Variants in SLC5A8 observed in about 807,000 individuals in gnomAD.
SLC5A8 encodes sodium-coupled monocarboxylate transporter 1.
SLC5A8 carries 55 observed loss-of-function variants against 71.9 expected under a neutral mutation model. The observed-to-expected ratio is 0.77, with a 90% CI of 0.62 to 0.96. The LOEUF (loss-of-function observed/expected upper bound fraction) is 0.96, where lower values mean the gene tolerates loss of function less well. Ranked by LOEUF, SLC5A8 falls within the 40% of genes least tolerant of loss-of-function variation. The pLI is 0.00. For missense variants in SLC5A8, 701 were observed against 745.3 expected (o/e 0.94, Z 0.69); for synonymous variants, 307 against 276.1 (o/e 1.11, Z -1.11).
Position 101,209,951 on chromosome 12 carries a change from T to C in SLC5A8, c.-103A>G, listed in dbSNP as rs1331250630. 11 of 1,133,742 alleles carry C rather than the reference T, an allele frequency of 9.7e-6. No individual in the cohort carries two copies. Among genetic ancestry groups the C allele is most frequent in the African/African-American group, 1.6e-5 (1 of 61,750 alleles). 70.2% of individuals were successfully genotyped at this position (1,133,742 alleles called of 1,614,324 possible). A position where few individuals can be genotyped will look rare whatever the true frequency, so the allele number is the denominator to read the frequency against. On this transcript the variant is annotated 5_prime_UTR_variant, in exon 1 of 15. Coordinates refer to ENST00000536262, the MANE Select transcript of SLC5A8 (RefSeq NM_145913.5). ...ATCCCGGATCCCTGGCGCGCAGGCG[T>C]GGCGTCCCGCGGGGACTGGAGGCGT...
At chr12:101,178,516 C>T (rs543896943) in intron 10 of SLC5A8, among the ~76,000 whole-genome samples, 1 of 152,078 alleles carries the variant, frequency 6.6e-6, no homozygotes, top group Non-Finnish European at 1.5e-5. Flanking sequence ...TAGACTCACA[C>T]AAATATGCCT....
intron 12 of SLC5A8, among the ~76,000 whole-genome samples, chr12:101,162,782 A>C (rs1220721462): frequency 1.3e-5 from 2 of 152,330 alleles, no homozygotes; most frequent in Admixed American, 6.5e-5. Flanking sequence ...CCAAGTAAGA[A>C]ACCTGCACAG....
At chr12:101,166,451 G>T (rs191300387) in intron 12 of SLC5A8, 43 bp downstream of exon 12, 3 of 1,537,856 alleles carry the variant, frequency 2.0e-6, no homozygotes, top group Non-Finnish European at 1.8e-6. Flanking sequence ...TACTTGTTGC[G>T]TAAATTTTTT....
At chr12:101,171,734 A>T (rs1200677524) in intron 10 of SLC5A8, among the ~76,000 whole-genome samples, 2 of 152,234 alleles carry the variant, frequency 1.3e-5, no homozygotes, top group African/African-American at 4.8e-5. Context: ...CAATGAAGGC[A>T]TGCCCAGCAG....
At chr12:101,168,907 C>A (rs1012587893) in intron 10 of SLC5A8, among the ~76,000 whole-genome samples, 10 of 152,122 alleles carry the variant, frequency 6.6e-5, no homozygotes, top group Admixed American at 4.6e-4. Flanking sequence ...CTGGTTTGTC[C>A]AGAGAGTAAA....
At chr12:101,165,892 A>G (rs969936200) in intron 12 of SLC5A8, among the ~76,000 whole-genome samples, 1 of 152,136 alleles carries the variant, frequency 6.6e-6, no homozygotes, top group Non-Finnish European at 1.5e-5. Flanking sequence ...GAAAGTCTTG[A>G]CCTCACATTC....
intron 6 of SLC5A8, among the ~76,000 whole-genome samples, chr12:101,188,773 GTA>G (rs1195718893): frequency 6.6e-6 from 1 of 152,188 alleles, no homozygotes; most frequent in African/African-American, 2.4e-5. Context: ...TAACATTGCA[GTA>G]TGTTTTGCTA....
intron 3 of SLC5A8, among the ~76,000 whole-genome samples, chr12:101,197,958 A>G (rs1320766109): frequency 6.6e-6 from 1 of 152,080 alleles, no homozygotes; most frequent in Non-Finnish European, 1.5e-5. Context: ...ATAAATTTCA[A>G]ATGATTAAAA....
intron 5 of SLC5A8, among the ~76,000 whole-genome samples, chr12:101,191,080 T>C (rs550020554): frequency 6.6e-6 from 1 of 152,334 alleles, no homozygotes; most frequent in South Asian, 2.1e-4. Flanking sequence ...TTCTAATCTA[T>C]ATTCACGTTC....
intron 11 of SLC5A8, among the ~76,000 whole-genome samples, chr12:101,167,521 C>A (rs1490290156): frequency 6.6e-6 from 1 of 152,132 alleles, no homozygotes; most frequent in African/African-American, 2.4e-5. Context: ...CTCATTTATT[C>A]CAAACAAAAG....
intron 3 of SLC5A8, among the ~76,000 whole-genome samples, chr12:101,199,016 T>C (rs180914053): frequency 6.6e-6 from 1 of 151,990 alleles, no homozygotes; most frequent in East Asian, 1.9e-4. Flanking sequence ...TCCTAAGGGA[T>C]CACCAAAAAT....
chr12:101,189,929 T>C (rs563679076), intron 6 of SLC5A8, among the ~76,000 whole-genome samples: 2 of 152,346 alleles, frequency 1.3e-5, no homozygotes, highest in African/African-American at 4.8e-5. Flanking sequence ...GTATTTCTTA[T>C]GCTCCTTTTA....
chr12:101,200,793 A>G (rs1869427548), intron 3 of SLC5A8, among the ~76,000 whole-genome samples: 1 of 152,170 alleles, frequency 6.6e-6, no homozygotes, highest in South Asian at 2.1e-4. Context: ...GTGATGAATG[A>G]GCACATTAAG....
chr12:101,205,309 T>A (rs186940546), intron 1 of SLC5A8, among the ~76,000 whole-genome samples: 1 of 152,334 alleles, frequency 6.6e-6, no homozygotes, highest in Admixed American at 6.5e-5. Flanking sequence ...ACAATTGTTT[T>A]TTTAAACTTA....
At chr12:101,192,971 CTTTTT>C (rs35246165) in intron 5 of SLC5A8, among the ~76,000 whole-genome samples, 2 of 125,948 alleles carry the variant, frequency 1.6e-5, no homozygotes, top group Non-Finnish European at 1.6e-5. Context: ...TACCTTTTCT[CTTTTT>C]TTTTTTTTTT....
intron 1 of SLC5A8, among the ~76,000 whole-genome samples, chr12:101,205,867 T>C (rs1869659212): frequency 6.6e-6 from 1 of 152,210 alleles, no homozygotes. Context: ...TATTTAAGAC[T>C]CAATAAGTGA....
intron 12 of SLC5A8, among the ~76,000 whole-genome samples, chr12:101,162,588 T>C (rs185119265): frequency 2.0e-5 from 3 of 152,270 alleles, no homozygotes; most frequent in Admixed American, 6.5e-5. Context: ...ATCATGTCCT[T>C]TTCAGCAACA....
Position 101,174,984 on chromosome 12 carries a change from T to C in SLC5A8, c.1233+5045A>G, listed in dbSNP as rs374625218. ...TATAAAGATTACAGAAACAGAATTA[T>C]TTGATAAAAAATTTAAAACAGCCAT... On this transcript the variant is annotated intron_variant, in intron 10 of 14. Coordinates refer to ENST00000536262, the MANE Select transcript of SLC5A8 (RefSeq NM_145913.5). Among the ~76,000 whole-genome samples the C allele has an allele frequency of 2.4e-3, 367 of 152,220 alleles. 1 individual carries two copies. Among genetic ancestry groups the C allele is most frequent in the African/African-American group, 8.1e-3 (338 of 41,516 alleles).
intron 2 of SLC5A8, 65 bp from the exon 3 acceptor site, chr12:101,202,280 T>G: frequency 7.5e-7 from 1 of 1,326,444 alleles, no homozygotes; most frequent in Non-Finnish European, 1.0e-6. Flanking sequence ...TACGTCTGAG[T>G]TATAAAATAT....
Sources: gnomAD v4.1 joint callset for allele counts (sites outside exome capture counted in the v4.1 genomes callset) on GRCh38, gnomAD v4.1.1 for gene constraint, MANE v1.5 for transcripts, NCBI Gene and HGNC (gene_info 2026-07-23, HGNC 2026-07-21) for gene names.